Variants in L3MBTL3 observed in about 807,000 individuals in gnomAD.
The protein encoded by L3MBTL3 is lethal(3)malignant brain tumor-like protein 3.
L3MBTL3 carries 27 observed loss-of-function variants against 102.3 expected under a neutral mutation model. The observed-to-expected ratio is 0.26, with a 90% confidence interval of 0.19 to 0.36. The LOEUF is 0.36. Among genes scored for constraint, L3MBTL3 ranks in the 10% least tolerant of loss-of-function variants. The probability of loss-of-function intolerance (pLI) is 1.00; values close to 1 mark genes in which losing one functional copy is unlikely to be tolerated. For synonymous variants in L3MBTL3, 340 were observed against 320.9 expected (o/e 1.06, Z -0.64); for missense variants, 798 against 955.3 (o/e 0.84, Z 2.17).
intron 13 of L3MBTL3, among the ~76,000 whole-genome samples, chr6:130,076,091 A>G (rs1383084991): frequency 2.6e-5 from 4 of 152,150 alleles, no homozygotes; most frequent in African/African-American, 9.7e-5. Flanking sequence ...AAGAGTTCAC[A>G]TATAAGGGGA....
At chr6:130,128,611 C>G (rs1462810745) in intron 20 of L3MBTL3, among the ~76,000 whole-genome samples, 3 of 152,174 alleles carry the variant, frequency 2.0e-5, no homozygotes, top group Admixed American at 2.0e-4. Context: ...GGAATATAGT[C>G]TTCATCTCAG....
intron 3 of L3MBTL3, among the ~76,000 whole-genome samples, chr6:130,046,401 G>A (rs567229284): frequency 3.9e-5 from 6 of 152,202 alleles, no homozygotes; most frequent in African/African-American, 1.4e-4. Flanking sequence ...CAGCATTGAA[G>A]GTAATAAAAT....
intron 9 of L3MBTL3, among the ~76,000 whole-genome samples, chr6:130,058,149 CAAAAAAAAA>C (rs61250078): frequency 1.7e-4 from 15 of 89,144 alleles, no homozygotes; most frequent in Non-Finnish European, 1.7e-4. Flanking sequence ...GACTCCGTCT[CAAAAAAAAA>C]AAAAAAAAAA....
intron 9 of L3MBTL3, among the ~76,000 whole-genome samples, chr6:130,058,004 G>A (rs984550975): frequency 5.3e-5 from 8 of 151,524 alleles, no homozygotes; most frequent in Admixed American, 2.6e-4. Context: ...TTAGCCGGGC[G>A]CGGTGGCGGG....
chr6:130,056,621 G>A (rs1446755100), intron 8 of L3MBTL3, among the ~76,000 whole-genome samples: 1 of 152,182 alleles, frequency 6.6e-6, no homozygotes, highest in Non-Finnish European at 1.5e-5. Flanking sequence ...GATGAAGGGT[G>A]TAAATTCCTC....
chr6:130,127,123 T>C (rs1406866745), intron 20 of L3MBTL3, among the ~76,000 whole-genome samples: 3 of 152,194 alleles, frequency 2.0e-5, no homozygotes, highest in African/African-American at 7.2e-5. Flanking sequence ...TTGGGTAATC[T>C]CTTGGAGCTG....
At chr6:130,122,006 A>G (rs765926179) in intron 20 of L3MBTL3, among the ~76,000 whole-genome samples, 4 of 152,258 alleles carry the variant, frequency 2.6e-5, no homozygotes, top group Admixed American at 6.5e-5. Flanking sequence ...AGATCACACC[A>G]TTGCACTCTA....
chr6:130,093,034 A>G (rs1784154294), intron 17 of L3MBTL3, among the ~76,000 whole-genome samples, 175 bp downstream of exon 17: 1 of 152,202 alleles, frequency 6.6e-6, no homozygotes, highest in Admixed American at 6.5e-5. Flanking sequence ...TAAATGGAAA[A>G]AAAACTTAAT....
Position 130,042,596 on chromosome 6 carries a change from A to G in L3MBTL3, c.-15-89A>G, listed in dbSNP as rs188918392. 1.7e-4 allele frequency: 119 copies of G among 709,410 alleles called. 1 individual carries two copies. The highest frequency in any genetic ancestry group is 1.2e-3 in the Middle Eastern group (5 of 4,064). The allele number at this position is 709,410 out of a possible 1,614,324, so 43.9% of individuals were successfully genotyped here. On this transcript the variant is annotated intron_variant, in intron 2 of 22. Transcript: ENST00000361794. ...GATATTGTGATCAAGAAAATTATGT[A>G]ATTAAGGGAAACTGAACTAACGAGT...
chr6:130,128,325 A>G (rs1786757037), intron 20 of L3MBTL3, among the ~76,000 whole-genome samples: 1 of 152,196 alleles, frequency 6.6e-6, no homozygotes, highest in South Asian at 2.1e-4. Flanking sequence ...TAACAGTGTC[A>G]GGAAATCAGA....
intron 2 of L3MBTL3, among the ~76,000 whole-genome samples, chr6:130,030,168 T>G (rs57844651): frequency 0.36 from 55,099 of 151,904 alleles, 11,552 homozygotes; most frequent in East Asian, 0.53. Context: ...CGCTTGTCTT[T>G]TCTTTAGAAT....
intron 9 of L3MBTL3, among the ~76,000 whole-genome samples, chr6:130,058,369 C>T (rs1781663541): frequency 6.6e-6 from 1 of 151,704 alleles, no homozygotes; most frequent in African/African-American, 2.4e-5. Flanking sequence ...TGTGGTGGCA[C>T]ATGCCTGCCT....
At chr6:130,059,887 A>C (rs189458041) in intron 9 of L3MBTL3, 149 bp from the exon 10 acceptor site, 1 of 546,640 alleles carries the variant, frequency 1.8e-6, no homozygotes, top group Non-Finnish European at 3.2e-6. Flanking sequence ...CCATTTTTTC[A>C]GTGGGTTATT....
At chr6:130,028,811 A>T (rs1779524006) in intron 2 of L3MBTL3, among the ~76,000 whole-genome samples, 1 of 152,150 alleles carries the variant, frequency 6.6e-6, no homozygotes, top group Admixed American at 6.5e-5. Context: ...ACTTCTTTTG[A>T]TGTGTTCTCC....
rs113459343 is a variant in L3MBTL3, at chr6:130,049,608, G to A, written c.215-148G>A. On this transcript the variant is annotated intron_variant, in intron 4 of 22. Transcript: ENST00000361794. ...TCTTTGTCCTAATGCCAGATCTGTA[G>A]TAGCACAAGGTTAGTTGGAAATTAA... The A allele has an allele frequency of 1.6e-3, 1,414 of 887,984 alleles. 6 individuals are homozygous for A. Among genetic ancestry groups the A allele is most frequent in the African/African-American group, 0.011 (635 of 60,340 alleles). 55.0% of individuals were successfully genotyped at this position (887,984 alleles called of 1,614,324 possible). A position where few individuals can be genotyped will look rare whatever the true frequency, so the allele number is the denominator to read the frequency against.
chr6:130,049,842 T>G lies in L3MBTL3; in HGVS notation c.289+12T>G, dbSNP rs555267383. 2 of 1,606,334 alleles carry G rather than the reference T, an allele frequency of 1.2e-6. No homozygotes were observed. Among genetic ancestry groups the G allele is most frequent in the East Asian group, 2.2e-5 (1 of 44,734 alleles). On this transcript the variant is annotated intron_variant, in intron 5 of 22. Coordinates refer to ENST00000361794, the MANE Select transcript of L3MBTL3 (RefSeq NM_032438.4). ...TGGATGTCCCACAGGTACCTCAAAC[T>G]CCACATGTCTGAAATGCAATTCATT... is the stretch of plus-strand genomic sequence containing the variant.
At chr6:130,121,442 GT>G (rs1196422147) in intron 20 of L3MBTL3, among the ~76,000 whole-genome samples, 2 of 152,100 alleles carry the variant, frequency 1.3e-5, no homozygotes, top group Non-Finnish European at 2.9e-5. Flanking sequence ...TGAACTTTAA[GT>G]TTGGTTAACT....
At chr6:130,040,978 C>T (rs149717672) in intron 2 of L3MBTL3, among the ~76,000 whole-genome samples, 14 of 152,210 alleles carry the variant, frequency 9.2e-5, no homozygotes, top group Middle Eastern at 3.4e-3. Context: ...GCCACTGCAC[C>T]GGCAATTTTA....
At chr6:130,121,445 T>G (rs1786188693) in intron 20 of L3MBTL3, among the ~76,000 whole-genome samples, 2 of 152,220 alleles carry the variant, frequency 1.3e-5, no homozygotes, top group Non-Finnish European at 2.9e-5. Context: ...ACTTTAAGTT[T>G]GGTTAACTTA....
Sources: allele counts gnomAD v4.1 joint callset (sites outside exome capture counted in the v4.1 genomes callset), GRCh38; gene constraint gnomAD v4.1.1; transcripts MANE v1.5; gene names NCBI Gene and HGNC (gene_info 2026-07-23, HGNC 2026-07-21).